Variants in DNAJC8 observed in about 807,000 individuals in gnomAD.
The protein encoded by DNAJC8 is DnaJ heat shock protein family (Hsp40) member C8.
Under a neutral mutation model 43.2 loss-of-function variants are expected in DNAJC8, and 24 were observed. The ratio of observed to expected loss-of-function variants is 0.56; its 90% CI spans 0.40 to 0.78. The LOEUF (loss-of-function observed/expected upper bound fraction) is 0.78. Among genes scored for constraint, DNAJC8 ranks in the 30% least tolerant of loss-of-function variants. The pLI, the probability that DNAJC8 is intolerant of heterozygous loss-of-function variation, is 0.00. For missense variants in DNAJC8, 207 were observed against 299.4 expected (o/e 0.69, Z 2.28); for synonymous variants, 83 against 98.0 (o/e 0.85, Z 0.90).
At position 28,232,821 on chromosome 1, in the gene DNAJC8, C is replaced by A. The variant is rs1646989912; in HGVS notation, c.78+100G>T. ...ACCCCGAAGACTGGACTGAAGGAAT[C>A]GCCCAACGGTCCAGGCCAGGCGGCC... On this transcript the variant is annotated intron_variant, in intron 1 of 8. Transcript: ENST00000263697. 2.3e-6 allele frequency: 3 copies of A among 1,289,124 alleles called. No individual in the cohort carries two copies. In the South Asian group the frequency reaches 3.8e-5, roughly 16 times the overall value. 79.9% of individuals were successfully genotyped at this position (1,289,124 alleles called of 1,614,324 possible). A position where few individuals can be genotyped will look rare whatever the true frequency, so the allele number is the denominator to read the frequency against.
intron 2 of DNAJC8, among the ~76,000 whole-genome samples, chr1:28,216,246 C>T (rs1426638578): frequency 3.9e-5 from 6 of 152,068 alleles, no homozygotes; most frequent in African/African-American, 1.2e-4. Flanking sequence ...CAAGTCAGTG[C>T]GCCCCACTCT....
intron 3 of DNAJC8, among the ~76,000 whole-genome samples, chr1:28,214,003 G>A (rs1646833862): frequency 6.6e-6 from 1 of 152,040 alleles, no homozygotes; most frequent in Non-Finnish European, 1.5e-5. Context: ...GTGACAGAGT[G>A]AGACCCTGTC....
At chr1:28,229,974 G>C (rs911668783) in intron 1 of DNAJC8, among the ~76,000 whole-genome samples, 1 of 151,924 alleles carries the variant, frequency 6.6e-6, no homozygotes, top group African/African-American at 2.4e-5. Context: ...TTGGCCAGGC[G>C]GAGTAGCTGT....
chr1:28,220,859 C>A (rs1224219815), intron 2 of DNAJC8, among the ~76,000 whole-genome samples: 3 of 152,130 alleles, frequency 2.0e-5, no homozygotes, highest in African/African-American at 7.2e-5. Flanking sequence ...TGTTCAGATT[C>A]TTGGAAGGTT....
intron 2 of DNAJC8, among the ~76,000 whole-genome samples, chr1:28,223,677 G>C (rs955480645): frequency 7.4e-6 from 1 of 134,936 alleles, no homozygotes; most frequent in Non-Finnish European, 1.5e-5. Flanking sequence ...AAGAGTTTGT[G>C]ATCAACCTGG....
At chr1:28,228,348 C>CAAAAAAAA (rs78440134) in intron 2 of DNAJC8, among the ~76,000 whole-genome samples, 1 of 74,814 alleles carries the variant, frequency 1.3e-5, no homozygotes, top group Non-Finnish European at 2.7e-5. Flanking sequence ...GACTCCGTCT[C>CAAAAAAAA]AAAAAAAAAA....
chr1:28,226,079 A>G (rs900913860), intron 2 of DNAJC8, among the ~76,000 whole-genome samples: 6 of 151,426 alleles, frequency 4.0e-5, no homozygotes, highest in South Asian at 2.1e-4. Flanking sequence ...TAAGTGCCCA[A>G]TAAGTGTTGT....
Position 28,210,193 on chromosome 1 carries a change from A to C in DNAJC8, c.305-127T>G, listed in dbSNP as rs1258458495. ...CTACTTTAATTATTTACTGTCGTTA[A>C]ACTAAGTTAAAAAAAACATTCAACT... On this transcript the variant is annotated intron_variant, in intron 4 of 8. Coordinates refer to ENST00000263697, the MANE Select transcript of DNAJC8 (RefSeq NM_014280.3). The C allele has an allele frequency of 1.7e-5, 13 of 785,272 alleles. No homozygotes were observed. The Admixed American group carries it at 3.6e-4, about 22-fold the overall frequency. 48.6% of individuals were successfully genotyped at this position (785,272 alleles called of 1,614,324 possible).
At position 28,212,596 on chromosome 1, in the gene DNAJC8, A is replaced by G. The variant is rs142197758; in HGVS notation, c.238-1959T>C. On this transcript the variant is annotated intron_variant, in intron 3 of 8. Coordinates refer to ENST00000263697, the MANE Select transcript of DNAJC8 (RefSeq NM_014280.3). ...TATGCTTGTCCATTCTTTTTTCTAT[A>G]TAAAATTTTTATAATAAACCAGCTA... 8.6e-5 allele frequency among the ~76,000 whole-genome samples: 13 copies of G among 151,996 alleles called. No homozygotes were observed. In the East Asian group the frequency reaches 2.5e-3, roughly 29 times the overall value.
At chr1:28,209,840 A>C in intron 5 of DNAJC8, 132 bp downstream of exon 5, 1 of 715,492 alleles carries the variant, frequency 1.4e-6, no homozygotes, top group Non-Finnish European at 2.4e-6. Flanking sequence ...CCACCACAGC[A>C]AAGTGGTAGA....
chr1:28,220,138 T>C (rs1350425682), intron 2 of DNAJC8, among the ~76,000 whole-genome samples: 1 of 151,874 alleles, frequency 6.6e-6, no homozygotes, highest in South Asian at 2.1e-4. Context: ...AGGAGGAGAG[T>C]ATATATACCT....
intron 3 of DNAJC8, among the ~76,000 whole-genome samples, chr1:28,211,679 C>T (rs1486795406): frequency 6.6e-6 from 1 of 152,204 alleles, no homozygotes; most frequent in East Asian, 1.9e-4. Flanking sequence ...ACTTTGTAAA[C>T]CTCTACTAGA....
At position 28,228,074 on chromosome 1, in the gene DNAJC8, G is replaced by A. The variant is rs962279351; in HGVS notation, c.180+848C>T. Among the ~76,000 whole-genome samples the A allele has an allele frequency of 6.6e-5, 10 of 152,210 alleles. No homozygotes were observed. In the South Asian group the frequency reaches 2.1e-3, roughly 32 times the overall value. Reference sequence around the variant, plus strand: ...AGTTTAAATCAAGAATCCTAGGCTGGGCGCAGTGGCTCACGCCTGTAATCC... The same window carrying A: ...AGTTTAAATCAAGAATCCTAGGCTGAGCGCAGTGGCTCACGCCTGTAATCC... On this transcript the variant is annotated intron_variant, in intron 2 of 8. Coordinates refer to ENST00000263697, the MANE Select transcript of DNAJC8 (RefSeq NM_014280.3).
intron 8 of DNAJC8, among the ~76,000 whole-genome samples, chr1:28,203,529 A>G (rs1646750163): frequency 6.6e-6 from 1 of 152,194 alleles, no homozygotes; most frequent in Non-Finnish European, 1.5e-5. Flanking sequence ...AATTTTTAAA[A>G]ATAAATTTTA....
At chr1:28,217,289 C>T (rs533595911) in intron 2 of DNAJC8, among the ~76,000 whole-genome samples, 10 of 152,128 alleles carry the variant, frequency 6.6e-5, no homozygotes, top group African/African-American at 2.4e-4. Context: ...GTGGAGCACA[C>T]AACCATGCCT....
intron 2 of DNAJC8, among the ~76,000 whole-genome samples, chr1:28,216,591 G>T (rs1646856567): frequency 6.6e-6 from 1 of 151,892 alleles, no homozygotes; most frequent in African/African-American, 2.4e-5. Flanking sequence ...ATTACAACAT[G>T]ATGTTATGGG....
chr1:28,214,633 CA>C (rs773710378), intron 3 of DNAJC8, among the ~76,000 whole-genome samples: 4 of 152,104 alleles, frequency 2.6e-5, no homozygotes, highest in Non-Finnish European at 5.9e-5. Context: ...TCCTAGAAGA[CA>C]GGGGGTTTGG....
At chr1:28,211,040 G>A (rs553453785) in intron 3 of DNAJC8, among the ~76,000 whole-genome samples, 137 of 152,280 alleles carry the variant, frequency 9.0e-4, no homozygotes, top group Middle Eastern at 3.4e-3. Flanking sequence ...CAGACATGGT[G>A]GTGGTCGCCT....
intron 6 of DNAJC8, among the ~76,000 whole-genome samples, chr1:28,205,656 G>A (rs1208766074): frequency 6.6e-6 from 1 of 152,234 alleles, no homozygotes; most frequent in African/African-American, 2.4e-5. Flanking sequence ...GGAAGGCCAA[G>A]GTGGGCAGAT....
Sources: allele counts gnomAD v4.1 joint callset (sites outside exome capture counted in the v4.1 genomes callset), GRCh38; gene constraint gnomAD v4.1.1; transcripts MANE v1.5; gene names NCBI Gene and HGNC (gene_info 2026-07-23, HGNC 2026-07-21).